The following STAB2 variants were observed in gnomAD, a reference collection of about 807,000 sequenced individuals.
The protein encoded by STAB2 is stabilin 2.
Under a neutral mutation model 338.1 loss-of-function variants are expected in STAB2, and 288 were observed. The ratio of observed to expected loss-of-function variants is 0.85; its 90% CI spans 0.77 to 0.94. The LOEUF (loss-of-function observed/expected upper bound fraction) is 0.94, where lower values mean the gene tolerates loss of function less well. Ranked by LOEUF, STAB2 falls within the 40% of genes least tolerant of loss-of-function variation. The pLI, the probability that STAB2 is intolerant of heterozygous loss-of-function variation, is 0.00. For missense variants in STAB2, 3,141 were observed against 3,210.1 expected, an observed-to-expected ratio of 0.98 and a Z score of 0.52; for synonymous variants, 1,202 against 1,193.3, an observed-to-expected ratio of 1.01 and a Z score of -0.15.
At chr12:103,712,559 G>A in intron 41 of STAB2, 116 bp downstream of exon 41, 1 of 772,280 alleles carries the variant, frequency 1.3e-6, no homozygotes, top group Non-Finnish European at 2.3e-6. Flanking sequence ...CACTGATGGT[G>A]AATTGTATGT....
At chr12:103,667,717 G>A (rs1044488381) in intron 19 of STAB2, among the ~76,000 whole-genome samples, 1 of 152,112 alleles carries the variant, frequency 6.6e-6, no homozygotes, top group African/African-American at 2.4e-5. Flanking sequence ...TAATATTTTA[G>A]GATTTTATAG....
rs749692365 is a variant in STAB2, at chr12:103,690,556, T to C, written c.3297+18T>C. 1.2e-6 allele frequency: 2 copies of C among 1,601,434 alleles called. No individual in the cohort carries two copies. Among genetic ancestry groups the C allele is most frequent in the Admixed American group, 3.4e-5 (2 of 58,114 alleles). ...TGGATGGGGTAAGAGCTCTGGAATT[T>C]GTCTGTTTACTTGAAACATAACAGC... On this transcript the variant is annotated intron_variant, in intron 30 of 68. Coordinates refer to ENST00000388887, the MANE Select transcript of STAB2 (RefSeq NM_017564.10).
rs1413644710 is a variant in STAB2, at chr12:103,638,206, T to G, written c.900T>G (p.Pro300=). Residue 300 remains proline, a synonymous_variant, in exon 8 of 69, where the codon CCT becomes CCG. Transcript: ENST00000388887. ...CTACAGTGTGCAAATATGATGGGCC[T>G]GGACAGGTGAGCAAATGATGCAGGG... The part of the protein sequence containing the change: ...TKSTVCKYDG[P]GQSHCECKEH... The G allele has an allele frequency of 6.2e-7, 1 of 1,613,306 alleles. No homozygotes were observed. The highest frequency in any genetic ancestry group is 8.5e-7 in the Non-Finnish European group (1 of 1,179,490).
chr12:103,589,417 T>G (rs1019031576), intron 1 of STAB2, among the ~76,000 whole-genome samples: 9 of 152,140 alleles, frequency 5.9e-5, no homozygotes, highest in Non-Finnish European at 1.5e-5. Flanking sequence ...GATTGGCAGG[T>G]CCTTTCTGCC....
At chr12:103,681,030 A>G (rs1002244231) in intron 25 of STAB2, among the ~76,000 whole-genome samples, 6 of 152,342 alleles carry the variant, frequency 3.9e-5, no homozygotes, top group Admixed American at 1.3e-4. Flanking sequence ...GTATAACGCT[A>G]AAGTGATAAA....
chr12:103,704,735 C>T, intron 36 of STAB2, 121 bp downstream of exon 36: 1 of 859,738 alleles, frequency 1.2e-6, no homozygotes, highest in Non-Finnish European at 1.8e-6. Context: ...TTGAATTACA[C>T]TTTACCTCGT....
Position 103,703,263 on chromosome 12 carries a change from C to T in STAB2, c.3830C>T (p.Thr1277Ile), listed in dbSNP as rs147585738. 2.5e-6 allele frequency: 4 copies of T among 1,613,048 alleles called. No individual in the cohort carries two copies. In the African/African-American group the frequency reaches 5.3e-5, roughly 22 times the overall value. Residue 1277 changes from threonine (T) to isoleucine (I), a missense_variant, in exon 35 of 69, where the codon ACT becomes ATT. Thr to Ile is a moderately conservative substitution (Grantham distance 89). Transcript: ENST00000388887. ...AAGAACAGATGTGATAATAATGACA[C>T]TACTATTATACGAGTAAGTTCTATG... ...IQKNRCDNND[T>I]TIIRGRCRTC...
At chr12:103,701,626 G>A (rs1878879448) in intron 34 of STAB2, among the ~76,000 whole-genome samples, 1 of 152,128 alleles carries the variant, frequency 6.6e-6, no homozygotes, top group South Asian at 2.1e-4. Context: ...AATATCAAAT[G>A]TTCTTCTATT....
intron 66 of STAB2, 115 bp from the exon 67 acceptor site, chr12:103,762,151 TACATGTTA>T: frequency 1.5e-6 from 2 of 1,334,310 alleles, no homozygotes; most frequent in Non-Finnish European, 2.1e-6. Context: ...AAGGGCCAGA[TACATGTTA>T]ACATGTCAGT....
chr12:103,589,886 T>C (rs981335239), intron 1 of STAB2, among the ~76,000 whole-genome samples: 1 of 152,190 alleles, frequency 6.6e-6, no homozygotes, highest in Non-Finnish European at 1.5e-5. Context: ...AAGGTCTCAA[T>C]AACCTCAAGA....
At position 103,648,407 on chromosome 12, in the gene STAB2, A is replaced by G. The variant is rs1873488429; in HGVS notation, c.1041-283A>G. On this transcript the variant is annotated intron_variant, in intron 9 of 68. Transcript: ENST00000388887. ...ATATGTTATATTAAATATATTAAGC[A>G]CTCCAAGTGATTCTGATGTGCATGG... Among the ~76,000 whole-genome samples the G allele has an allele frequency of 2.0e-5, 3 of 152,206 alleles. No homozygotes were observed. The South Asian group carries it at 6.2e-4, about 32-fold the overall frequency.
chr12:103,740,478 A>T, intron 54 of STAB2, 152 bp from the exon 55 acceptor site: 1 of 980,586 alleles, frequency 1.0e-6, no homozygotes, highest in East Asian at 3.1e-5. Flanking sequence ...CATAGGAAAA[A>T]TATCACCTTG....
intron 6 of STAB2, among the ~76,000 whole-genome samples, chr12:103,635,937 G>A (rs907845477): frequency 6.6e-6 from 1 of 152,194 alleles, no homozygotes; most frequent in African/African-American, 2.4e-5. Context: ...GCTTTTTCCA[G>A]TGGTATTCAG....
At position 103,623,558 on chromosome 12, in the gene STAB2, T is replaced by C. The variant is rs576925419; in HGVS notation, c.487+1447T>C. On this transcript the variant is annotated intron_variant, in intron 5 of 68. Coordinates refer to ENST00000388887, the MANE Select transcript of STAB2 (RefSeq NM_017564.10). ...TCTGGCTTTGAAGAAGGAAGAGCCATGAGCCAAGGAATGTGGGTGGCCTCT... is the reference window on the plus strand; with the variant it reads ...TCTGGCTTTGAAGAAGGAAGAGCCACGAGCCAAGGAATGTGGGTGGCCTCT... 5.9e-5 allele frequency among the ~76,000 whole-genome samples: 9 copies of C among 152,196 alleles called. No homozygotes were observed. The South Asian group carries it at 1.5e-3, about 25-fold the overall frequency.
At position 103,655,506 on chromosome 12, in the gene STAB2, C is replaced by T. The variant is rs753537088; in HGVS notation, c.1659C>T (p.Tyr553=). ...ATGAGGATGGAGTTGGTGGACCATACACCATTTTTGTTCCAAATAATGAAG... is the reference window on the plus strand; with the variant it reads ...ATGAGGATGGAGTTGGTGGACCATATACCATTTTTGTTCCAAATAATGAAG... The part of the protein sequence containing the change: ...ALDEDGVGGP[Y]TIFVPNNEAL... Residue 553 remains tyrosine (Y), a synonymous_variant, in exon 15 of 69, where the codon TAC becomes TAT. Transcript: ENST00000388887. 7.4e-6 allele frequency: 12 copies of T among 1,613,916 alleles called. No individual in the cohort carries two copies. The South Asian group carries it at 8.8e-5, about 12-fold the overall frequency.
chr12:103,750,502 T>C, intron 59 of STAB2, 77 bp from the exon 60 acceptor site: 1 of 1,575,764 alleles, frequency 6.3e-7, no homozygotes, highest in East Asian at 2.2e-5. Flanking sequence ...AGGCTGGACA[T>C]TGGTCCCATG....
Position 103,677,514 on chromosome 12 carries a change from G to A in STAB2, c.2708G>A (p.Gly903Glu), listed in dbSNP as rs755849562. The A allele has an allele frequency of 1.1e-5, 18 of 1,614,190 alleles. 1 individual carries two copies. The highest frequency in any genetic ancestry group is 1.6e-4 in the Middle Eastern group (1 of 6,062). ...HTCVCQQGWTGNGRDCSEINN... is the reference protein window; with the variant it reads ...HTCVCQQGWTENGRDCSEINN... ...TGCGTGTGTCAGCAGGGTTGGACAG[G>A]GAATGGGAGAGACTGCTCGGAGATC... Residue 903 changes from glycine (G) to glutamate (E), a missense_variant, in exon 25 of 69, where the codon GGG becomes GAG. By Grantham distance (98) the Gly-to-Glu change is moderately conservative. Transcript: ENST00000388887.
chr12:103,728,797 T>G, intron 47 of STAB2, 52 bp from the exon 48 acceptor site: 1 of 1,606,886 alleles, frequency 6.2e-7, no homozygotes, highest in South Asian at 1.1e-5. Flanking sequence ...AATGGCACAT[T>G]GCAGCAAAAG....
intron 7 of STAB2, 94 bp downstream of exon 7, chr12:103,637,330 C>T (rs1015150674): frequency 6.7e-7 from 1 of 1,481,518 alleles, no homozygotes; most frequent in African/African-American, 1.4e-5. Context: ...AACACAATGA[C>T]CATTTCTATT....
Sources: gnomAD v4.1 joint callset for allele counts (sites outside exome capture counted in the v4.1 genomes callset) on GRCh38, gnomAD v4.1.1 for gene constraint, MANE v1.5 for transcripts, NCBI Gene and HGNC (gene_info 2026-07-23, HGNC 2026-07-21) for gene names.